The following UBASH3B variants were observed in gnomAD, a reference collection of about 807,000 sequenced individuals.
UBASH3B encodes the protein ubiquitin associated and SH3 domain containing B.
Under a neutral mutation model 83.4 loss-of-function variants are expected in UBASH3B, and 37 were observed. That is an observed-to-expected ratio of 0.44 (90% confidence interval 0.34 to 0.58). The LOEUF (loss-of-function observed/expected upper bound fraction) is 0.58, where lower values mean the gene tolerates loss of function less well. UBASH3B is among the 20% of genes least tolerant of loss of function. The pLI is 0.01. For synonymous variants in UBASH3B, 304 were observed against 318.3 expected (o/e 0.96, Z 0.48); for missense variants, 657 against 827.2 (o/e 0.79, Z 2.52).
rs572255484 is a variant in UBASH3B, at chr11:122,730,749, C to T, written c.162-45470C>T. ...TAGCTGGGATTACAGGCATGTGCCA[C>T]CACGCCCGGCTCATTTTGTATTTTT... On this transcript the variant is annotated intron_variant, in intron 1 of 13. Coordinates refer to ENST00000284273, the MANE Select transcript of UBASH3B (RefSeq NM_032873.5). Among the ~76,000 whole-genome samples the T allele has an allele frequency of 1.4e-4, 22 of 152,256 alleles. No homozygotes were observed. In the South Asian group the frequency reaches 3.9e-3, roughly 27 times the overall value.
intron 1 of UBASH3B, among the ~76,000 whole-genome samples, chr11:122,732,875 C>A (rs190636445): frequency 9.2e-5 from 14 of 152,320 alleles, no homozygotes; most frequent in Admixed American, 7.2e-4. Flanking sequence ...TCCTCCTATT[C>A]AAATAGTGGC....
chr11:122,745,676 G>A (rs1275719237), intron 1 of UBASH3B, among the ~76,000 whole-genome samples: 1 of 152,158 alleles, frequency 6.6e-6, no homozygotes, highest in Non-Finnish European at 1.5e-5. Context: ...AAATATAAAT[G>A]GATAAGCTTC....
intron 1 of UBASH3B, among the ~76,000 whole-genome samples, chr11:122,718,909 T>A (rs11218772): frequency 1.8e-3 from 279 of 152,274 alleles, no homozygotes; most frequent in Middle Eastern, 6.8e-3. Flanking sequence ...TTTTGCTACA[T>A]GCCTGTAGTC....
rs796382287 is a variant in UBASH3B at position 122,759,117 on chromosome 11, T to A, written c.162-17102T>A. 9.2e-5 allele frequency among the ~76,000 whole-genome samples: 14 copies of A among 152,264 alleles called. No homozygotes were observed. Among genetic ancestry groups the A allele is most frequent in the African/African-American group, 2.9e-4 (12 of 41,472 alleles). ...CCGTGTTCTCACCAGAAAGCTTGAC[T>A]AAGATCCACTTATAAGCTCACCCAC... On this transcript the variant is annotated intron_variant, in intron 1 of 13. Coordinates refer to ENST00000284273, the MANE Select transcript of UBASH3B (RefSeq NM_032873.5). The surrounding 1 kb of genome is among the most constrained non-coding windows in gnomAD (Gnocchi z 4.1).
chr11:122,726,660 C>T (rs1395334869), intron 1 of UBASH3B, among the ~76,000 whole-genome samples: 1 of 152,178 alleles, frequency 6.6e-6, no homozygotes, highest in African/African-American at 2.4e-5. Context: ...CTTTATGCAA[C>T]TATGAGCAAA....
chr11:122,747,624 T>C (rs1001466121), intron 1 of UBASH3B, among the ~76,000 whole-genome samples: 1 of 152,146 alleles, frequency 6.6e-6, no homozygotes, highest in African/African-American at 2.4e-5. Flanking sequence ...GCTGGAGTGA[T>C]GTTGGGTGGT....
chr11:122,675,049 C>T (rs1171516996), intron 1 of UBASH3B, among the ~76,000 whole-genome samples: 1 of 152,110 alleles, frequency 6.6e-6, no homozygotes, highest in African/African-American at 2.4e-5. Flanking sequence ...ATTAATAAAC[C>T]CATTTTACAG....
In UBASH3B at chr11:122,655,749, G is replaced by A; in HGVS notation, c.-301G>A. 2.9e-6 allele frequency: 1 copy of A among 343,222 alleles called. No homozygotes were observed. The highest frequency in any genetic ancestry group is 4.7e-5 in the East Asian group (1 of 21,274). 21.3% of individuals were successfully genotyped at this position (343,222 alleles called of 1,614,324 possible). A position where few individuals can be genotyped will look rare whatever the true frequency, so the allele number is the denominator to read the frequency against. ...TGCAAATTCCCGGACTGCTAGGCGA[G>A]GAGAGGGAAGGGGGCGGAGGAGACA... On this transcript the variant is annotated 5_prime_UTR_variant, in exon 1 of 14. Coordinates refer to ENST00000284273, the MANE Select transcript of UBASH3B (RefSeq NM_032873.5).
chr11:122,680,097 C>G (rs1863719028), intron 1 of UBASH3B, among the ~76,000 whole-genome samples: 1 of 152,312 alleles, frequency 6.6e-6, no homozygotes, highest in Admixed American at 6.5e-5. Flanking sequence ...TCCCAAAGTG[C>G]TGGGATTACA....
intron 1 of UBASH3B, among the ~76,000 whole-genome samples, chr11:122,747,862 G>A (rs905138316): frequency 6.6e-6 from 1 of 152,202 alleles, no homozygotes; most frequent in Admixed American, 6.5e-5. Flanking sequence ...ATATTCCCTT[G>A]AGTGAGCTAT....
chr11:122,805,359 G>A (rs1861321263), intron 11 of UBASH3B, among the ~76,000 whole-genome samples: 1 of 152,084 alleles, frequency 6.6e-6, no homozygotes, highest in African/African-American at 2.4e-5. Context: ...GTGAAACCCT[G>A]TCTCTACTAA....
intron 1 of UBASH3B, among the ~76,000 whole-genome samples, chr11:122,702,533 T>G (rs1864054790): frequency 6.6e-6 from 1 of 151,976 alleles, no homozygotes; most frequent in Admixed American, 6.6e-5. Flanking sequence ...ACCAGGTTTT[T>G]TTTTTTTTCA....
At chr11:122,733,352 A>C (rs1021296717) in intron 1 of UBASH3B, among the ~76,000 whole-genome samples, 8 of 152,244 alleles carry the variant, frequency 5.3e-5, no homozygotes, top group African/African-American at 1.7e-4. Flanking sequence ...TCAGGGAAAG[A>C]TGTCTGGCAG....
intron 1 of UBASH3B, among the ~76,000 whole-genome samples, chr11:122,737,215 TAAG>T (rs1395732758): frequency 6.6e-6 from 1 of 152,202 alleles, no homozygotes; most frequent in Non-Finnish European, 1.5e-5. Flanking sequence ...TGGGTTGTTT[TAAG>T]AAGAAGAGTG....
intron 1 of UBASH3B, among the ~76,000 whole-genome samples, chr11:122,703,426 CA>C (rs35573028): frequency 2.9e-3 from 404 of 139,236 alleles, no homozygotes; most frequent in Non-Finnish European, 4.1e-3. Flanking sequence ...GCCTCCGTCT[CA>C]AAAAAAAAAA....
At chr11:122,670,907 C>T (rs192158619) in intron 1 of UBASH3B, among the ~76,000 whole-genome samples, 1 of 151,936 alleles carries the variant, frequency 6.6e-6, no homozygotes, top group Non-Finnish European at 1.5e-5. Context: ...AGATTACAGA[C>T]GTGCTCCACC....
chr11:122,805,291 AG>A (rs1015793355), intron 11 of UBASH3B, among the ~76,000 whole-genome samples: 4 of 152,182 alleles, frequency 2.6e-5, no homozygotes, highest in Non-Finnish European at 5.9e-5. Flanking sequence ...GCACTTTGGG[AG>A]GCCGAGGTGG....
chr11:122,712,712 CA>C (rs1864212280), intron 1 of UBASH3B, among the ~76,000 whole-genome samples: 2 of 151,970 alleles, frequency 1.3e-5, no homozygotes, highest in Admixed American at 6.6e-5. Flanking sequence ...GTTGCACAAA[CA>C]AAAGCAAACG....
intron 9 of UBASH3B, 38 bp downstream of exon 9, chr11:122,797,071 T>C (rs1861169999): frequency 1.3e-6 from 2 of 1,546,852 alleles, no homozygotes; most frequent in Non-Finnish European, 1.7e-6. Flanking sequence ...AGGCATTTCT[T>C]GCCTCCTCCT....
Sources: allele counts gnomAD v4.1 joint callset (sites outside exome capture counted in the v4.1 genomes callset), GRCh38; gene constraint gnomAD v4.1.1; non-coding constraint Gnocchi (gnomAD v3.1); transcripts MANE v1.5; gene names NCBI Gene and HGNC (gene_info 2026-07-23, HGNC 2026-07-21).